The following ENOX2 variants were observed in gnomAD, a reference collection of about 807,000 sequenced individuals.
ENOX2 encodes the protein APK1 antigen.
A neutral mutation model predicts 45.0 loss-of-function variants in ENOX2; 36 were observed. The observed-to-expected ratio is 0.80, with a 90% CI of 0.61 to 1.06. The LOEUF (loss-of-function observed/expected upper bound fraction) is 1.06, where lower values mean the gene tolerates loss of function less well. Ranked by LOEUF, ENOX2 falls within the 50% of genes least tolerant of loss-of-function variation. ENOX2 has a pLI of 0.00. For synonymous variants in ENOX2, 174 were observed against 152.3 expected (o/e 1.14, Z -1.05); for missense variants, 423 against 462.5 (o/e 0.91, Z 0.78).
At chrX:130,756,647 G>A (rs747069160) in intron 3 of ENOX2, among the ~76,000 whole-genome samples, 4 of 112,158 alleles carry the variant, frequency 3.6e-5, no homozygotes, top group African/African-American at 6.5e-5. Flanking sequence ...TATGTTTCTG[G>A]TACTTGTGGG....
intron 3 of ENOX2, among the ~76,000 whole-genome samples, chrX:130,762,415 C>T (rs761143142): frequency 1.8e-5 from 2 of 110,591 alleles, no homozygotes; most frequent in South Asian, 7.7e-4. Flanking sequence ...CCTGTCACTA[C>T]AAAAAAAAAT....
At chrX:130,829,875 T>A (rs184319582) in intron 2 of ENOX2, among the ~76,000 whole-genome samples, 1 of 112,056 alleles carries the variant, frequency 8.9e-6, no homozygotes, top group Non-Finnish European at 1.9e-5. Context: ...ATTTTATTAA[T>A]GAGAAATTGG....
chrX:130,855,274 AT>A (rs1039353234), intron 2 of ENOX2, among the ~76,000 whole-genome samples: 5 of 112,159 alleles, frequency 4.5e-5, no homozygotes, highest in African/African-American at 1.3e-4. Context: ...GAAATTAAAA[AT>A]AACATACCAT....
At chrX:130,886,856 CTAAG>C (rs1007334629) in intron 2 of ENOX2, among the ~76,000 whole-genome samples, 5 of 112,109 alleles carry the variant, frequency 4.5e-5, no homozygotes, top group Non-Finnish European at 7.5e-5. Flanking sequence ...ACATAACACA[CTAAG>C]TGTTTAAAAA....
intron 3 of ENOX2, among the ~76,000 whole-genome samples, chrX:130,746,248 T>C (rs1217081768): frequency 8.9e-6 from 1 of 112,029 alleles, no homozygotes; most frequent in East Asian, 2.8e-4. Flanking sequence ...TCACCATTTT[T>C]CCCATCCAGA....
At chrX:130,747,143 A>G (rs2039114803) in intron 3 of ENOX2, among the ~76,000 whole-genome samples, 1 of 111,643 alleles carries the variant, frequency 9.0e-6, no homozygotes, top group African/African-American at 3.3e-5. Context: ...GAGGCAGGGG[A>G]GTCAAGCTAT....
intron 4 of ENOX2, among the ~76,000 whole-genome samples, chrX:130,699,007 C>T (rs914868765): frequency 1.8e-5 from 2 of 111,881 alleles, no homozygotes; most frequent in African/African-American, 6.5e-5. Flanking sequence ...CTTAATGGGT[C>T]CATCCTTGGA....
In ENOX2 at chrX:130,665,625, G is replaced by C. The variant is rs766732874; in HGVS notation, c.1014+18C>G. 8.8e-7 allele frequency: 1 copy of C among 1,130,514 alleles called. No homozygotes were observed. The highest frequency in any genetic ancestry group is 1.9e-5 in the South Asian group (1 of 52,991). The allele number at this position is 1,130,514 out of a possible 1,213,427, so 93.2% of individuals were successfully genotyped here. A position where few individuals can be genotyped will look rare whatever the true frequency, so the allele number is the denominator to read the frequency against. ...AAACTGTCCCCCCAAGGGGCTACCAGAATAAAAAGTTACCAACCTCAGCTT... is the reference window on the plus strand; with the variant it reads ...AAACTGTCCCCCCAAGGGGCTACCACAATAAAAAGTTACCAACCTCAGCTT... On this transcript the variant is annotated intron_variant, in intron 9 of 14. Coordinates refer to ENST00000394363, the MANE Select transcript of ENOX2 (RefSeq NM_006375.4).
At chrX:130,763,848 G>A (rs2039551623) in intron 3 of ENOX2, among the ~76,000 whole-genome samples, 1 of 110,827 alleles carries the variant, frequency 9.0e-6, no homozygotes, top group East Asian at 2.8e-4. Context: ...TTGGTTGGGA[G>A]TGGGTAGGAG....
At chrX:130,888,761 G>A (rs746944150) in intron 2 of ENOX2, among the ~76,000 whole-genome samples, 1 of 112,002 alleles carries the variant, frequency 8.9e-6, no homozygotes, top group South Asian at 3.7e-4. Context: ...ATCGCTGTTT[G>A]CTCTTAAAAT....
chrX:130,791,020 G>A (rs1364089889), intron 2 of ENOX2, among the ~76,000 whole-genome samples: 1 of 111,992 alleles, frequency 8.9e-6, no homozygotes, highest in Non-Finnish European at 1.9e-5. Flanking sequence ...GGTGAGCAGG[G>A]TCTCACTATG....
chrX:130,634,878 A>C (rs889145930), intron 12 of ENOX2, 106 bp downstream of exon 12: 4 of 450,646 alleles, frequency 8.9e-6, no homozygotes, highest in Admixed American at 4.6e-5. Context: ...TCGGCCAAAA[A>C]TGTTTGGCCC....
At chrX:130,794,787 C>T (rs759722934) in intron 2 of ENOX2, among the ~76,000 whole-genome samples, 2 of 112,404 alleles carry the variant, frequency 1.8e-5, no homozygotes, top group South Asian at 3.7e-4. Context: ...TGTATCTTTG[C>T]TTTGCCCAAA....
At chrX:130,658,211 A>G (rs2036595405) in intron 9 of ENOX2, among the ~76,000 whole-genome samples, 1 of 111,814 alleles carries the variant, frequency 8.9e-6, no homozygotes, top group Non-Finnish European at 1.9e-5. Context: ...GATAACTACC[A>G]TATCTGGGTG....
At chrX:130,827,084 A>C in intron 2 of ENOX2, among the ~76,000 whole-genome samples, 1 of 112,520 alleles carries the variant, frequency 8.9e-6, no homozygotes, top group Non-Finnish European at 1.9e-5. Context: ...AAAACATTCA[A>C]GATTGAGAAC....
intron 7 of ENOX2, among the ~76,000 whole-genome samples, chrX:130,668,637 T>C (rs1228135510): frequency 8.9e-6 from 1 of 111,821 alleles, no homozygotes; most frequent in East Asian, 2.8e-4. Context: ...TGAAGCCCAA[T>C]TCAAGGGCTT....
At chrX:130,635,156 T>G in intron 11 of ENOX2, 65 bp from the exon 12 acceptor site, 3 of 659,845 alleles carry the variant, frequency 4.5e-6, no homozygotes, top group Non-Finnish European at 6.8e-6. Flanking sequence ...TTAAAATCTC[T>G]GGCTGAAATC....
At chrX:130,866,381 T>C (rs2078492398) in intron 2 of ENOX2, among the ~76,000 whole-genome samples, 1 of 112,123 alleles carries the variant, frequency 8.9e-6, no homozygotes, top group South Asian at 3.7e-4. Flanking sequence ...ATCAGGAACA[T>C]TTAATAGTTT....
At chrX:130,705,680 A>G (rs919912072) in intron 3 of ENOX2, among the ~76,000 whole-genome samples, 3 of 111,527 alleles carry the variant, frequency 2.7e-5, no homozygotes, top group African/African-American at 9.8e-5. Context: ...GTCACCTCAA[A>G]TGCTACCTTG....
Sources: gnomAD v4.1 joint callset for allele counts (sites outside exome capture counted in the v4.1 genomes callset) on GRCh38, gnomAD v4.1.1 for gene constraint, MANE v1.5 for transcripts, NCBI Gene and HGNC (gene_info 2026-07-23, HGNC 2026-07-21) for gene names.